Variants in AHRR observed in about 807,000 individuals in gnomAD.
AHRR encodes the protein aryl hydrocarbon receptor repressor.
A neutral mutation model predicts 44.0 loss-of-function variants in AHRR; 28 were observed. The observed-to-expected ratio is 0.64, with a 90% CI of 0.47 to 0.87. The LOEUF (loss-of-function observed/expected upper bound fraction) is 0.87. Among genes scored for constraint, AHRR ranks in the 40% least tolerant of loss-of-function variants. The pLI is 0.00. For missense variants in AHRR, 990 were observed against 953.9 expected (o/e 1.04, Z -0.50); for synonymous variants, 434 against 407.0 (o/e 1.07, Z -0.80).
In AHRR at chr5:326,929, C is replaced by T. The variant is rs552641816; in HGVS notation, c.-11+5110C>T. ...CAAAAATTAGCCAGGCGTGGTGGCA[C>T]GCGCCTGTAGTCCCAGCTACTCAGG... On this transcript the variant is annotated intron_variant, in intron 1 of 10. Transcript: ENST00000684583. This position sits in a 1 kb window ranked among gnomAD's most constrained non-coding sequence, Gnocchi z 4.1. 7.6e-4 allele frequency among the ~76,000 whole-genome samples: 116 copies of T among 152,128 alleles called. No individual in the cohort carries two copies. Among genetic ancestry groups the T allele is most frequent in the African/African-American group, 2.7e-3 (110 of 41,492 alleles).
At chr5:327,480 T>C (rs1741752386) in intron 1 of AHRR, among the ~76,000 whole-genome samples, 1 of 152,268 alleles carries the variant, frequency 6.6e-6, no homozygotes, top group East Asian at 1.9e-4. Context: ...CACGTGACAT[T>C]TGACTTTCTG....
intron 9 of AHRR, 35 bp from the exon 10 acceptor site, chr5:432,771 C>A (rs1322399371): frequency 3.7e-6 from 6 of 1,612,704 alleles, no homozygotes; most frequent in Non-Finnish European, 5.1e-6. Flanking sequence ...TCAGCTCGCA[C>A]CGTGACGGCT....
At position 427,824 on chromosome 5, in the gene AHRR, A is replaced by G; in HGVS notation, c.726A>G (p.Gly242=). The stretch of plus-strand genomic sequence containing the variant: ...AACACCAGACGATGCAGTTTCAAGG[A>G]AAACTAAAATTCCTGTTTGGACAGA... The part of the protein sequence containing the change: ...TSGFLTMQFQ[G]KLKFLFGQKK... The change falls in exon 8 of 11, where the codon GGA becomes GGG. Residue 242 remains glycine, a synonymous_variant. Coordinates refer to ENST00000684583, the MANE Select transcript of AHRR (RefSeq NM_001377236.1). The G allele has an allele frequency of 6.2e-7, 1 of 1,614,212 alleles. No homozygotes were observed. The highest frequency in any genetic ancestry group is 8.5e-7 in the Non-Finnish European group (1 of 1,180,024).
chr5:416,530 G>A (rs551476297), intron 5 of AHRR, among the ~76,000 whole-genome samples: 180 of 152,318 alleles, frequency 1.2e-3, no homozygotes, highest in Non-Finnish European at 2.2e-3. Flanking sequence ...CTCCTGATGC[G>A]CCCTGTGAGA....
rs138847873 is a variant in AHRR at position 368,836 on chromosome 5, G to A, written c.245-7774G>A. On this transcript the variant is annotated intron_variant, in intron 3 of 10. Transcript: ENST00000684583. ...CAGTCTTCGCTGGCTCAGAGGAAGT[G>A]CATTTCTTTGCGGTTCATTTTGCAC... Among the ~76,000 whole-genome samples the A allele has an allele frequency of 3.4e-4, 52 of 152,340 alleles. No homozygotes were observed. The East Asian group carries it at 9.1e-3, about 27-fold the overall frequency.
chr5:433,179 A>T (rs1440730978), intron 10 of AHRR, among the ~76,000 whole-genome samples: 1 of 152,128 alleles, frequency 6.6e-6, no homozygotes, highest in African/African-American at 2.4e-5. Flanking sequence ...TGGTCCAGGG[A>T]TGTTGGGAGC....
At chr5:368,394 G>A (rs112123163) in intron 3 of AHRR, among the ~76,000 whole-genome samples, 8 of 152,234 alleles carry the variant, frequency 5.3e-5, no homozygotes, top group African/African-American at 1.9e-4. Flanking sequence ...TGCACCGCAC[G>A]CTGATTCACT....
chr5:388,283 AG>A lies in AHRR; in HGVS notation c.351+11568del, dbSNP rs1734252942. Among the ~76,000 whole-genome samples the A allele has an allele frequency of 6.6e-6, 1 of 152,222 alleles. No homozygotes were observed. The highest frequency in any genetic ancestry group is 2.4e-5 in the African/African-American group (1 of 41,456). On this transcript the variant is annotated intron_variant, in intron 4 of 10. Transcript: ENST00000684583. The surrounding 1 kb of genome is among the most constrained non-coding windows in gnomAD (Gnocchi z 5.2). ...CAGGCCTCCCCCCGTCCCGAACCCA[AG>A]CCCTGAACTGCTGTCGTACACAGGG...
intron 3 of AHRR, among the ~76,000 whole-genome samples, chr5:364,540 G>A (rs145029284): frequency 0.033 from 5,067 of 152,056 alleles, 140 homozygotes; most frequent in Middle Eastern, 0.048. Context: ...TAGAAATGGG[G>A]TTGAAATTTC....
At position 415,811 on chromosome 5, in the gene AHRR, G is replaced by A. The variant is rs139271854; in HGVS notation, c.441+2378G>A. Among the ~76,000 whole-genome samples, 739 of 152,302 alleles carry A rather than the reference G, an allele frequency of 4.9e-3. 5 individuals carry two copies. The highest frequency in any genetic ancestry group is 7.3e-3 in the Non-Finnish European group (496 of 68,010). On this transcript the variant is annotated intron_variant, in intron 5 of 10. Transcript: ENST00000684583. ...TCCCTGACAAGTCATTAGAATTCAC[G>A]TCTGCGCAGGCCCTGAGGCTGCACA...
At chr5:412,512 G>T (rs1735505270) in intron 4 of AHRR, among the ~76,000 whole-genome samples, 2 of 152,104 alleles carry the variant, frequency 1.3e-5, no homozygotes, top group Admixed American at 6.6e-5. Flanking sequence ...AGAAACTACA[G>T]GCCAAGTTTA....
At chr5:431,369 G>A (rs1490880721) in intron 8 of AHRR, among the ~76,000 whole-genome samples, 1 of 152,178 alleles carries the variant, frequency 6.6e-6, no homozygotes, top group Non-Finnish European at 1.5e-5. Context: ...CTCAGAAGGG[G>A]GAAGAAAACT....
chr5:367,589 C>T (rs759954358), intron 3 of AHRR, among the ~76,000 whole-genome samples: 16 of 152,168 alleles, frequency 1.1e-4, no homozygotes, highest in African/African-American at 1.4e-4. Flanking sequence ...TTGCTGGGGG[C>T]GGCATCCGAG....
At chr5:414,212 G>A (rs1735607299) in intron 5 of AHRR, among the ~76,000 whole-genome samples, 1 of 152,076 alleles carries the variant, frequency 6.6e-6, no homozygotes, top group Admixed American at 6.5e-5. Flanking sequence ...GCAGTGAGGT[G>A]AGATCGAGTC....
chr5:424,598 C>G (rs1736303096), intron 7 of AHRR, among the ~76,000 whole-genome samples: 1 of 152,254 alleles, frequency 6.6e-6, no homozygotes, highest in Admixed American at 6.5e-5. Context: ...GAATGTAAAA[C>G]TCTGCAGTAG....
chr5:411,770 C>T lies in AHRR; in HGVS notation c.352-1574C>T, dbSNP rs977211459. 6.6e-6 allele frequency among the ~76,000 whole-genome samples: 1 copy of T among 152,178 alleles called. No individual in the cohort carries two copies. Among genetic ancestry groups the T allele is most frequent in the Non-Finnish European group, 1.5e-5 (1 of 68,036 alleles). On this transcript the variant is annotated intron_variant, in intron 4 of 10. Transcript: ENST00000684583. This position sits in a 1 kb window ranked among gnomAD's most constrained non-coding sequence, Gnocchi z 4.2. ...GTATATAGTATACTGCTGACAGCCA[C>T]AAACATCATGGGAGTTAAAGTCTCC...
intron 5 of AHRR, among the ~76,000 whole-genome samples, chr5:414,510 C>T (rs1164461535): frequency 6.6e-6 from 1 of 152,002 alleles, no homozygotes; most frequent in Non-Finnish European, 1.5e-5. Context: ...TTCCACAAGC[C>T]ACTCCCACAA....
Position 370,325 on chromosome 5 carries a change from G to A in AHRR, c.245-6285G>A, listed in dbSNP as rs1743530910. On this transcript the variant is annotated intron_variant, in intron 3 of 10. Transcript: ENST00000684583. This position sits in a 1 kb window ranked among gnomAD's most constrained non-coding sequence, Gnocchi z 4.5. ...GTGTTACGGTTGTGCAGCATTTCCT[G>A]GATCCACAGTCAGGTCAGGCAATTC... 6.6e-6 allele frequency among the ~76,000 whole-genome samples: 1 copy of A among 152,230 alleles called. No individual in the cohort carries two copies. The highest frequency in any genetic ancestry group is 2.4e-5 in the African/African-American group (1 of 41,460).
chr5:429,660 G>GC (rs971980582), intron 8 of AHRR, among the ~76,000 whole-genome samples: 1 of 152,248 alleles, frequency 6.6e-6, no homozygotes, highest in Non-Finnish European at 1.5e-5. Flanking sequence ...CCACTGGGCA[G>GC]CCCGCTTTGT....
Sources: allele counts gnomAD v4.1 joint callset (sites outside exome capture counted in the v4.1 genomes callset), GRCh38; gene constraint gnomAD v4.1.1; non-coding constraint Gnocchi (gnomAD v3.1); transcripts MANE v1.5; gene names NCBI Gene and HGNC (gene_info 2026-07-23, HGNC 2026-07-21).